CUX1: variants seen among roughly 807,000 people sequenced by gnomAD.
The protein encoded by CUX1 is protein CASP.
CUX1 carries 31 observed loss-of-function variants against 158.8 expected under a neutral mutation model. The observed-to-expected ratio is 0.20, with a 90% confidence interval of 0.15 to 0.26. The LOEUF is 0.26. Ranked by LOEUF, CUX1 falls within the 10% of genes least tolerant of loss-of-function variation. The probability of loss-of-function intolerance (pLI) is 1.00; values close to 1 mark genes in which losing one functional copy is unlikely to be tolerated. For synonymous variants in CUX1, 879 were observed against 862.1 expected, an observed-to-expected ratio of 1.02 and a Z score of -0.34; for missense variants, 1,589 against 2,014.6, an observed-to-expected ratio of 0.79 and a Z score of 4.04.
At chr7:101,980,442 G>C (rs1019496068) in intron 2 of CUX1, among the ~76,000 whole-genome samples, 4 of 152,184 alleles carry the variant, frequency 2.6e-5, no homozygotes, top group Non-Finnish European at 5.9e-5. Flanking sequence ...CCGAGAGGTC[G>C]AGGCTGCAGT....
intron 3 of CUX1, among the ~76,000 whole-genome samples, chr7:102,031,254 T>A (rs1462755045): frequency 2.6e-5 from 4 of 152,138 alleles, no homozygotes; most frequent in Non-Finnish European, 5.9e-5. Flanking sequence ...AGATGGGATT[T>A]CACCATGTTG....
intron 2 of CUX1, among the ~76,000 whole-genome samples, chr7:102,025,577 G>A (rs1350453722): frequency 1.3e-5 from 2 of 151,952 alleles, no homozygotes; most frequent in African/African-American, 2.4e-5. Flanking sequence ...ACAGTGAGCC[G>A]AGATCATGCC....
chr7:102,122,513 C>T (rs191527877), intron 8 of CUX1, among the ~76,000 whole-genome samples: 1 of 152,158 alleles, frequency 6.6e-6, no homozygotes, highest in African/African-American at 2.4e-5. Context: ...TGGGTGAGCC[C>T]TGAAGGATTT....
In CUX1 at chr7:102,250,052, GAAAAAAAAAGA is replaced by G. The variant is rs1365486864; in HGVS notation, c.*1020_*1030del. On this transcript the variant is annotated 3_prime_UTR_variant, in exon 24 of 24. Transcript: ENST00000292535. The stretch of plus-strand genomic sequence containing the variant: ...CTAGGCCAAATCAGGACAAAAAAAA[GAAAAAAAAAGA>G]AAAAAAAAAAAGAAAAGATCCGAAT... The G allele has an allele frequency of 7.5e-5, 69 of 918,456 alleles. 1 individual carries two copies. Among genetic ancestry groups the G allele is most frequent in the South Asian group, 2.1e-4 (4 of 19,348 alleles). 56.9% of individuals were successfully genotyped at this position (918,456 alleles called of 1,614,324 possible).
intron 14 of CUX1, among the ~76,000 whole-genome samples, chr7:102,269,050 T>C (rs1232395044): frequency 6.6e-6 from 1 of 151,296 alleles, no homozygotes; most frequent in Non-Finnish European, 1.5e-5. Context: ...GATCCTCCCA[T>C]CTCAGCCTCC....
intron 2 of CUX1, among the ~76,000 whole-genome samples, chr7:101,988,440 C>T (rs886268621): frequency 3.3e-5 from 5 of 152,096 alleles, no homozygotes; most frequent in Admixed American, 3.3e-4. Flanking sequence ...GTGGGCCTCT[C>T]GGGTGCTTCT....
rs1170836663 is a variant in CUX1 at position 102,074,771 on chromosome 7, C to T, written c.268+4354C>T. Among the ~76,000 whole-genome samples, 4 of 152,244 alleles carry T rather than the reference C, an allele frequency of 2.6e-5. No homozygotes were observed. In the East Asian group the frequency reaches 7.7e-4, roughly 29 times the overall value. On this transcript the variant is annotated intron_variant, in intron 4 of 23. Transcript: ENST00000292535. Reference sequence around the variant, plus strand: ...CCCACTGGGATGGCTGGTGGGCACCCACCTGATGTGTCCGGCAGAAGCCGT... The same window carrying T: ...CCCACTGGGATGGCTGGTGGGCACCTACCTGATGTGTCCGGCAGAAGCCGT...
chr7:102,097,284 C>A, intron 4 of CUX1, 80 bp from the exon 5 acceptor site: 1 of 1,503,280 alleles, frequency 6.7e-7, no homozygotes, highest in East Asian at 2.3e-5. Flanking sequence ...CCCAGGAGCC[C>A]CACTCTGAGC....
At chr7:102,102,983 G>T (rs1011304019) in intron 5 of CUX1, among the ~76,000 whole-genome samples, 1 of 152,192 alleles carries the variant, frequency 6.6e-6, no homozygotes, top group Non-Finnish European at 1.5e-5. Flanking sequence ...CCACCCACAG[G>T]TCTGTTCCAT....
intron 8 of CUX1, chr7:102,115,610 C>G (rs1831361179): frequency 4.7e-6 from 1 of 214,982 alleles, no homozygotes; most frequent in South Asian, 1.3e-4. Flanking sequence ...GGCCACAGTT[C>G]TTCATTTCTC....
chr7:101,885,251 C>G (rs1343789849), intron 1 of CUX1, among the ~76,000 whole-genome samples: 1 of 152,128 alleles, frequency 6.6e-6, no homozygotes, highest in Non-Finnish European at 1.5e-5. Context: ...GCTCTCTGGC[C>G]AGGAGGGGAA....
At position 102,255,554 on chromosome 7, in the gene CUX1, G is replaced by C; in HGVS notation, c.*6512G>C. On this transcript the variant is annotated 3_prime_UTR_variant, in exon 24 of 24. Coordinates refer to ENST00000292535, the MANE Select transcript of CUX1 (RefSeq NM_181552.4). ...TAATGTTAAGAAAGCATTAGTCTAC[G>C]TTACTGTAATTTCTGTAGTGTTTAC... is the stretch of plus-strand genomic sequence containing the variant. 1.0e-6 allele frequency: 1 copy of C among 985,316 alleles called. No homozygotes were observed. The highest frequency in any genetic ancestry group is 1.2e-6 in the Non-Finnish European group (1 of 829,910). The allele number at this position is 985,316 out of a possible 1,614,324, so 61.0% of individuals were successfully genotyped here.
chr7:102,225,071 C>T (rs1378488868), intron 20 of CUX1, among the ~76,000 whole-genome samples: 3 of 152,188 alleles, frequency 2.0e-5, no homozygotes, highest in East Asian at 1.9e-4. Flanking sequence ...ATCCAGTTCT[C>T]TGGTGACCCG....
rs76906725 is a variant in CUX1 at position 102,083,786 on chromosome 7, G to A, written c.268+13369G>A. 1.4e-3 allele frequency among the ~76,000 whole-genome samples: 204 copies of A among 146,948 alleles called. 19 individuals are homozygous for A. In the East Asian group the frequency reaches 0.017, roughly 12 times the overall value. On this transcript the variant is annotated intron_variant, in intron 4 of 23. Coordinates refer to ENST00000292535, the MANE Select transcript of CUX1 (RefSeq NM_181552.4). ...CTGAGCAGTATTTTACAGTTTTGAT[G>A]TATAAACCTGGCACAGATTATGTTC...
chr7:102,164,192 C>T (rs797027763), intron 9 of CUX1, among the ~76,000 whole-genome samples: 11 of 152,344 alleles, frequency 7.2e-5, no homozygotes, highest in African/African-American at 2.4e-4. Flanking sequence ...CCCACCACCC[C>T]TCCGGGGCCT....
At chr7:101,958,933 C>T (rs1460567000) in intron 2 of CUX1, among the ~76,000 whole-genome samples, 1 of 142,030 alleles carries the variant, frequency 7.0e-6, no homozygotes, top group Non-Finnish European at 1.5e-5. Context: ...TGGCTCACTG[C>T]AGCCTCGACC....
intron 2 of CUX1, among the ~76,000 whole-genome samples, chr7:101,943,446 A>G (rs1454925002): frequency 6.6e-6 from 1 of 151,908 alleles, no homozygotes; most frequent in East Asian, 1.9e-4. Context: ...AAAATGACCA[A>G]TTCATCTAAA....
intron 8 of CUX1, among the ~76,000 whole-genome samples, chr7:102,155,076 C>A (rs1278270952): frequency 6.6e-6 from 1 of 152,194 alleles, no homozygotes; most frequent in Admixed American, 6.6e-5. Flanking sequence ...TACGCAGGAC[C>A]TAAGCCTGCA....
chr7:102,096,974 C>G (rs1554484410), intron 4 of CUX1, among the ~76,000 whole-genome samples: 2 of 152,226 alleles, frequency 1.3e-5, no homozygotes, highest in Non-Finnish European at 1.5e-5. Context: ...CGGCACCTGT[C>G]CACGGACTTG....
Sources: gnomAD v4.1 joint callset for allele counts (sites outside exome capture counted in the v4.1 genomes callset) on GRCh38, gnomAD v4.1.1 for gene constraint, MANE v1.5 for transcripts, NCBI Gene and HGNC (gene_info 2026-07-23, HGNC 2026-07-21) for gene names.